Variants in SERPINB3 observed in about 807,000 individuals in gnomAD.
SERPINB3 encodes the protein serpin B3.
SERPINB3 carries 33 observed loss-of-function variants against 33.0 expected under a neutral mutation model. That is an observed-to-expected ratio of 1.00 (90% confidence interval 0.76 to 1.34). SERPINB3 has a LOEUF of 1.34. Ranked by LOEUF, SERPINB3 falls within the 40% of genes most tolerant of loss-of-function variation. The pLI is 0.00. For missense variants in SERPINB3, 518 were observed against 461.5 expected (o/e 1.12, Z -1.12); for synonymous variants, 200 against 170.9 (o/e 1.17, Z -1.33).
At chr18:63,658,464 A>G in intron 5 of SERPINB3, 49 bp downstream of exon 5, 1 of 1,515,392 alleles carries the variant, frequency 6.6e-7, no homozygotes, top group Non-Finnish European at 9.1e-7. Context: ...CATAGGGCTC[A>G]CTCGCATAGA....
At chr18:63,656,306 T>A (rs1042263634) in intron 7 of SERPINB3, among the ~76,000 whole-genome samples, 4 of 152,192 alleles carry the variant, frequency 2.6e-5, no homozygotes, top group Admixed American at 6.5e-5. Flanking sequence ...TGTACATATG[T>A]ATGTATACAA....
rs1913462115 is a variant in SERPINB3 at position 63,655,265 on chromosome 18, AT to A, written c.*391del. The A allele has an allele frequency of 6.1e-6, 1 of 163,566 alleles. No homozygotes were observed. The highest frequency in any genetic ancestry group is 1.3e-5 in the Non-Finnish European group (1 of 75,332). 10.1% of individuals were successfully genotyped at this position (163,566 alleles called of 1,614,324 possible). ...CACAAAATTTAGAAACATAAGAAGGATTTAGGTATCACCTAAATTCAAAGAA... is the reference window on the plus strand; with the variant it reads ...CACAAAATTTAGAAACATAAGAAGGATTAGGTATCACCTAAATTCAAAGAA... On this transcript the variant is annotated 3_prime_UTR_variant, in exon 8 of 8. Coordinates refer to ENST00000283752, the MANE Select transcript of SERPINB3 (RefSeq NM_006919.3).
At chr18:63,660,543 A>T (rs1296077500) in intron 3 of SERPINB3, among the ~76,000 whole-genome samples, 1 of 152,118 alleles carries the variant, frequency 6.6e-6, no homozygotes, top group Non-Finnish European at 1.5e-5. Flanking sequence ...ATTTGTGAAG[A>T]GCAAAGCTGG....
At position 63,655,408 on chromosome 18, in the gene SERPINB3, C is replaced by T; in HGVS notation, c.*249G>A. ...TTAGAAGATACGGTATTAAGTGATT[C>T]ATCTTATTTTGGACATTTTTCCTCA... is the stretch of plus-strand genomic sequence containing the variant. On this transcript the variant is annotated 3_prime_UTR_variant, in exon 8 of 8. Coordinates refer to ENST00000283752, the MANE Select transcript of SERPINB3 (RefSeq NM_006919.3). 4.6e-6 allele frequency: 2 copies of T among 438,588 alleles called. No homozygotes were observed. The highest frequency in any genetic ancestry group is 8.0e-6 in the Non-Finnish European group (2 of 248,996). 27.2% of individuals were successfully genotyped at this position (438,588 alleles called of 1,614,324 possible). A position where few individuals can be genotyped will look rare whatever the true frequency, so the allele number is the denominator to read the frequency against.
rs146839299 is a variant in SERPINB3 at position 63,655,740 on chromosome 18, G to A, written c.1090C>T (p.His364Tyr). The change falls in exon 8 of 8, where the codon CAT becomes TAT. Residue 364 changes from histidine (H) to tyrosine (Y), a missense_variant. Physicochemically the swap from His to Tyr is moderately conservative, Grantham distance 83. Coordinates refer to ENST00000283752, the MANE Select transcript of SERPINB3 (RefSeq NM_006919.3). ...AAGAATAGGAAAGGGTGATTACAATGGAACTCTTCATTAGTTGAAGTAGGT... is the reference window on the plus strand; with the variant it reads ...AAGAATAGGAAAGGGTGATTACAATAGAACTCTTCATTAGTTGAAGTAGGT... ...SSPTSTNEEF[H>Y]CNHPFLFFIR... 1.0e-3 allele frequency: 1,673 copies of A among 1,613,908 alleles called. 14 individuals carry two copies. The African/African-American group carries it at 0.019, about 19-fold the overall frequency.
intron 3 of SERPINB3, among the ~76,000 whole-genome samples, chr18:63,660,586 A>G (rs1260850635): frequency 2.0e-5 from 3 of 152,134 alleles, no homozygotes; most frequent in Non-Finnish European, 4.4e-5. Context: ...ATCCAGACCT[A>G]TGCTCTGAGG....
rs1158101233 is a variant in SERPINB3, at chr18:63,655,950, C to A, written c.880G>T (p.Asp294Tyr). Reference sequence around the variant, plus strand: ...ATGGTTCTCAACGTGTCCTTGAGGTCATAGCTCTCTTCCACTTTGAACCGA... The same window carrying A: ...ATGGTTCTCAACGTGTCCTTGAGGTAATAGCTCTCTTCCACTTTGAACCGA... ...LPRFKVEESY[D>Y]LKDTLRTMGM... Residue 294 changes from aspartate to tyrosine, a missense_variant, in exon 8 of 8, where the codon GAC becomes TAC. Coordinates refer to ENST00000283752, the MANE Select transcript of SERPINB3 (RefSeq NM_006919.3). 1 of 1,614,044 alleles carries A rather than the reference C, an allele frequency of 6.2e-7. No homozygotes were observed. Among genetic ancestry groups the A allele is most frequent in the Non-Finnish European group, 8.5e-7 (1 of 1,179,954 alleles).
chr18:63,656,816 G>A lies in SERPINB3; in HGVS notation c.768+15C>T, dbSNP rs75355927. On this transcript the variant is annotated intron_variant, in intron 7 of 7. Coordinates refer to ENST00000283752, the MANE Select transcript of SERPINB3 (RefSeq NM_006919.3). ...TCAGGCAGTAGAAGGAAGAGTTGTAGATGCAAGTTCTTACCTTCTGGAGAC... is the reference window on the plus strand; with the variant it reads ...TCAGGCAGTAGAAGGAAGAGTTGTAAATGCAAGTTCTTACCTTCTGGAGAC... The A allele has an allele frequency of 2.9e-4, 466 of 1,584,744 alleles. 2 individuals carry two copies. In the East Asian group the frequency reaches 9.2e-3, roughly 31 times the overall value.
At position 63,655,393 on chromosome 18, in the gene SERPINB3, C is replaced by T. The variant is rs527760962; in HGVS notation, c.*264G>A. 1.7e-3 allele frequency: 603 copies of T among 357,510 alleles called. 1 individual carries two copies. Among genetic ancestry groups the T allele is most frequent in the African/African-American group, 0.011 (530 of 48,458 alleles). 22.1% of individuals were successfully genotyped at this position (357,510 alleles called of 1,614,324 possible). A position where few individuals can be genotyped will look rare whatever the true frequency, so the allele number is the denominator to read the frequency against. Reference sequence around the variant, plus strand: ...AATTATATTTCAAATTTAGAAGATACGGTATTAAGTGATTCATCTTATTTT... The same window carrying T: ...AATTATATTTCAAATTTAGAAGATATGGTATTAAGTGATTCATCTTATTTT... On this transcript the variant is annotated 3_prime_UTR_variant, in exon 8 of 8. Transcript: ENST00000283752.
rs752413507 is a variant in SERPINB3 at position 63,661,172 on chromosome 18, C to T, written c.45G>A (p.Leu15=). Residue 15 remains leucine, a synonymous_variant, in exon 2 of 8, where the codon CTG becomes CTA. Transcript: ENST00000283752. Reference sequence around the variant, plus strand: ...CTTTTGATTTTCTGAACTGTTGGAACAGGTCGAACATGAACTTGGTGTTGG... The same window carrying T: ...CTTTTGATTTTCTGAACTGTTGGAATAGGTCGAACATGAACTTGGTGTTGG... ...SEANTKFMFD[L]FQQFRKSKEN... is the part of the protein sequence containing the mutation. 1 of 1,613,606 alleles carries T rather than the reference C, an allele frequency of 6.2e-7. No individual in the cohort carries two copies. The highest frequency in any genetic ancestry group is 8.5e-7 in the Non-Finnish European group (1 of 1,179,626).
Position 63,655,466 on chromosome 18 carries a change from A to G in SERPINB3, c.*191T>C. On this transcript the variant is annotated 3_prime_UTR_variant, in exon 8 of 8. Coordinates refer to ENST00000283752, the MANE Select transcript of SERPINB3 (RefSeq NM_006919.3). ...TTTTTCTGGAAGAAAAAGTACATTT[A>G]TATGTGGGCTTATTAAGAGAAAGAG... 3.3e-6 allele frequency: 2 copies of G among 597,168 alleles called. No individual in the cohort carries two copies. Among genetic ancestry groups the G allele is most frequent in the Non-Finnish European group, 5.5e-6 (2 of 363,418 alleles). 37.0% of individuals were successfully genotyped at this position (597,168 alleles called of 1,614,324 possible).
chr18:63,661,298 G>T (rs1313303715), intron 1 of SERPINB3, 56 bp from the exon 2 acceptor site: 1 of 1,496,366 alleles, frequency 6.7e-7, no homozygotes, highest in African/African-American at 1.4e-5. Context: ...ATGGTATTTT[G>T]TAGTACAATT....
chr18:63,657,011 A>T, intron 6 of SERPINB3, 25 bp from the exon 7 acceptor site: 1 of 1,578,038 alleles, frequency 6.3e-7, no homozygotes, highest in Non-Finnish European at 8.6e-7. Context: ...TGTGTCCAAC[A>T]AATACCAAGT....
In SERPINB3 at chr18:63,661,391, C is replaced by G. The variant is rs1393314459; in HGVS notation, c.-26-149G>C. Reference sequence around the variant, plus strand: ...TCTTATTTTTAACGTTTCAATCTTTCTACAATGTGCATATATTAAATATAT... The same window carrying G: ...TCTTATTTTTAACGTTTCAATCTTTGTACAATGTGCATATATTAAATATAT... On this transcript the variant is annotated intron_variant, in intron 1 of 7. Transcript: ENST00000283752. 9.4e-6 allele frequency: 8 copies of G among 849,352 alleles called. No homozygotes were observed. In the East Asian group the frequency reaches 2.1e-4, roughly 23 times the overall value. The allele number at this position is 849,352 out of a possible 1,614,324, so 52.6% of individuals were successfully genotyped here.
chr18:63,656,882 T>G lies in SERPINB3; in HGVS notation c.717A>C (p.Lys239Asn). 1 of 1,613,540 alleles carries G rather than the reference T, an allele frequency of 6.2e-7. No individual in the cohort carries two copies. Among genetic ancestry groups the G allele is most frequent in the Non-Finnish European group, 8.5e-7 (1 of 1,179,598 alleles). The part of the protein sequence containing the change: ...AKVLEIPYKG[K>N]DLSMIVLLPN... ...GCAGCAACACAATCATGCTTAGATCTTTGCCTTTGTATGGTATTTCCAGGA... is the reference window on the plus strand; with the variant it reads ...GCAGCAACACAATCATGCTTAGATCGTTGCCTTTGTATGGTATTTCCAGGA... The change falls in exon 7 of 8, where the codon AAA (lysine) becomes AAC (asparagine). Residue 239 changes from lysine (K) to asparagine (N), a missense_variant. By Grantham distance (94) the Lys-to-Asn change is moderately conservative. Coordinates refer to ENST00000283752, the MANE Select transcript of SERPINB3 (RefSeq NM_006919.3).
chr18:63,659,563 G>T, intron 3 of SERPINB3, 36 bp from the exon 4 acceptor site: 6 of 1,612,826 alleles, frequency 3.7e-6, no homozygotes, highest in African/African-American at 1.3e-5. Flanking sequence ...TTCAATTGCT[G>T]TATCAATGTA....
Position 63,655,542 on chromosome 18 carries a change from T to A in SERPINB3, c.*115A>T. 1 of 1,150,144 alleles carries A rather than the reference T, an allele frequency of 8.7e-7. No individual in the cohort carries two copies. Among genetic ancestry groups the A allele is most frequent in the Non-Finnish European group, 1.2e-6 (1 of 814,018 alleles). 71.2% of individuals were successfully genotyped at this position (1,150,144 alleles called of 1,614,324 possible). A position where few individuals can be genotyped will look rare whatever the true frequency, so the allele number is the denominator to read the frequency against. Reference sequence around the variant, plus strand: ...AAATTCTTGATGATGACGATCATCATCAAGATGAGAAAGAAAAGAAATATG... The same window carrying A: ...AAATTCTTGATGATGACGATCATCAACAAGATGAGAAAGAAAAGAAATATG... On this transcript the variant is annotated 3_prime_UTR_variant, in exon 8 of 8. Transcript: ENST00000283752.
chr18:63,657,764 C>T (rs1913536295), intron 5 of SERPINB3, among the ~76,000 whole-genome samples: 1 of 148,628 alleles, frequency 6.7e-6, no homozygotes. Flanking sequence ...CCTCCCTCCT[C>T]TTCCTACTTT....
Position 63,660,943 on chromosome 18 carries a change from C to T in SERPINB3, c.166-87G>A. On this transcript the variant is annotated intron_variant, in intron 2 of 7. Transcript: ENST00000283752. Reference sequence around the variant, plus strand: ...TCTCACAGTTACGGGAATTCCTGCTCAGCCCCCTGTGCTACCCATCAGACC... The same window carrying T: ...TCTCACAGTTACGGGAATTCCTGCTTAGCCCCCTGTGCTACCCATCAGACC... The T allele has an allele frequency of 3.1e-6, 5 of 1,611,052 alleles. No homozygotes were observed. The South Asian group carries it at 3.3e-5, about 11-fold the overall frequency.
Sources: allele counts gnomAD v4.1 joint callset (sites outside exome capture counted in the v4.1 genomes callset), GRCh38; gene constraint gnomAD v4.1.1; transcripts MANE v1.5; gene names NCBI Gene and HGNC (gene_info 2026-07-23, HGNC 2026-07-21).